The following KDM5B variants were observed in gnomAD, a reference collection of about 807,000 sequenced individuals.
KDM5B encodes the protein lysine-specific demethylase 5B.
KDM5B carries 144 observed loss-of-function variants against 193.4 expected under a neutral mutation model. The observed-to-expected ratio is 0.74, with a 90% CI of 0.65 to 0.86. KDM5B has a LOEUF of 0.86. Among genes scored for constraint, KDM5B ranks in the 40% least tolerant of loss-of-function variants. KDM5B has a pLI of 0.00. For synonymous variants in KDM5B, 668 were observed against 682.6 expected (o/e 0.98, Z 0.33); for missense variants, 1,833 against 1,886.9 (o/e 0.97, Z 0.53).
intron 1 of KDM5B, among the ~76,000 whole-genome samples, chr1:202,790,014 G>A (rs1657579177): frequency 6.6e-6 from 1 of 151,670 alleles, no homozygotes; most frequent in African/African-American, 2.4e-5. Flanking sequence ...CTTGAGGTCT[G>A]GAGTTCGAGA....
chr1:202,766,940 G>A lies in KDM5B; in HGVS notation c.697C>T (p.Arg233Cys). ...GAGGCTCTTACCTCTGCTCTCATGCGTTTTGCTCGTCGGGCTGGGGGGCAC... is the reference window on the plus strand; with the variant it reads ...GAGGCTCTTACCTCTGCTCTCATGCATTTTGCTCGTCGGGCTGGGGGGCAC... The part of the protein sequence containing the change: ...ETCPPARRAK[R>C]MRAEAMNIKI... The change falls in exon 5 of 27, where the codon CGC (arginine) becomes TGC (cysteine). Residue 233 changes from arginine (R) to cysteine (C), a missense_variant. Around this residue, in one of 3 missense-constraint regions of KDM5B, gnomAD observed 355 missense variants for 374.9 expected, o/e 0.95. Transcript: ENST00000367265. 2 of 1,580,396 alleles carry A rather than the reference G, an allele frequency of 1.3e-6. No homozygotes were observed. The highest frequency in any genetic ancestry group is 8.5e-7 in the Non-Finnish European group (1 of 1,171,790).
intron 16 of KDM5B, among the ~76,000 whole-genome samples, chr1:202,743,546 T>C (rs576680853): frequency 3.9e-5 from 6 of 152,264 alleles, no homozygotes; most frequent in Admixed American, 3.9e-4. Flanking sequence ...ATATTGCTCC[T>C]TTCCCCTAAA....
intron 3 of KDM5B, 61 bp from the exon 4 acceptor site, chr1:202,773,349 A>G (rs1656799727): frequency 7.0e-7 from 1 of 1,436,476 alleles, no homozygotes; most frequent in South Asian, 1.2e-5. Context: ...ACATCTAAGT[A>G]TGACTCCAAG....
At chr1:202,803,400 T>C (rs1431270961) in intron 1 of KDM5B, among the ~76,000 whole-genome samples, 2 of 152,154 alleles carry the variant, frequency 1.3e-5, no homozygotes, top group African/African-American at 4.8e-5. Context: ...GTTTATTAGT[T>C]CACTAAGAAT....
chr1:202,739,510 TGTTTCTCGCAGAGGGGGA>T (rs1221820203), intron 20 of KDM5B, among the ~76,000 whole-genome samples: 4 of 151,866 alleles, frequency 2.6e-5, no homozygotes, highest in Admixed American at 1.3e-4. Context: ...CATTCTTGGG[TGTTTCTCGCAGAGGGGGA>T]GTTGGCAGGG....
In KDM5B at chr1:202,756,352, G is replaced by T; in HGVS notation, c.1356+6C>A. On this transcript the variant is annotated splice_donor_region_variant and intron_variant, in intron 10 of 26. Coordinates refer to ENST00000367265, the MANE Select transcript of KDM5B (RefSeq NM_006618.5). ...ACCTCAATTTCCAAGCCACTTATAT[G>T]CCTACCTCTTCCTCAGGTGAGAGTT... 1 of 1,600,400 alleles carries T rather than the reference G, an allele frequency of 6.2e-7. No individual in the cohort carries two copies. Among genetic ancestry groups the T allele is most frequent in the Non-Finnish European group, 8.5e-7 (1 of 1,174,044 alleles).
chr1:202,770,414 TTCC>T (rs1656664142), intron 4 of KDM5B, among the ~76,000 whole-genome samples: 1 of 152,200 alleles, frequency 6.6e-6, no homozygotes, highest in Non-Finnish European at 1.5e-5. Context: ...TTTGCAATAA[TTCC>T]TTTACTGTAC....
intron 8 of KDM5B, among the ~76,000 whole-genome samples, chr1:202,759,937 A>T (rs1364088361): frequency 6.6e-6 from 1 of 152,208 alleles, no homozygotes; most frequent in African/African-American, 2.4e-5. Flanking sequence ...ACATTGTGGA[A>T]CTCACTTCTA....
At chr1:202,776,705 G>A (rs186924596) in intron 2 of KDM5B, among the ~76,000 whole-genome samples, 1 of 152,120 alleles carries the variant, frequency 6.6e-6, no homozygotes, top group African/African-American at 2.4e-5. Context: ...GGAACTACAG[G>A]CACACACCAT....
In KDM5B at chr1:202,741,429, C is replaced by T. The variant is rs1190617494; in HGVS notation, c.2883G>A (p.Leu961=). The T allele has an allele frequency of 6.2e-7, 1 of 1,603,940 alleles. No homozygotes were observed. Among genetic ancestry groups the T allele is most frequent in the East Asian group, 2.2e-5 (1 of 44,710 alleles). ...YSAVEKAMAR[L]QELLTVSEHW... ...GCTCTGACACTGTGAGCAGTTCCTG[C>T]AGCCGGGCCATAGCTTTCTCCACTG... The change falls in exon 19 of 27, where the codon CTG becomes CTA. Residue 961 remains leucine (L), a synonymous_variant. Transcript: ENST00000367265.
At chr1:202,767,983 A>G (rs1221408553) in intron 4 of KDM5B, among the ~76,000 whole-genome samples, 2 of 152,240 alleles carry the variant, frequency 1.3e-5, no homozygotes, top group African/African-American at 2.4e-5. Context: ...AGTTTCAGAT[A>G]TAACTAGCAA....
In KDM5B at chr1:202,750,533, C is replaced by T. The variant is rs537980379; in HGVS notation, c.1821+126G>A. 7 of 972,952 alleles carry T rather than the reference C, an allele frequency of 7.2e-6. No homozygotes were observed. The South Asian group carries it at 8.2e-5, about 11-fold the overall frequency. The allele number at this position is 972,952 out of a possible 1,614,324, so 60.3% of individuals were successfully genotyped here. A position where few individuals can be genotyped will look rare whatever the true frequency, so the allele number is the denominator to read the frequency against. On this transcript the variant is annotated intron_variant, in intron 13 of 26. Coordinates refer to ENST00000367265, the MANE Select transcript of KDM5B (RefSeq NM_006618.5). ...CAGGTGATCTGCCCACCTTGGCTTC[C>T]GAAAGCGCTGGGATTATAGGCATGA... is the stretch of plus-strand genomic sequence containing the variant.
chr1:202,762,621 T>C (rs1267725550), intron 7 of KDM5B, 78 bp downstream of exon 7: 1 of 801,508 alleles, frequency 1.2e-6, no homozygotes, highest in South Asian at 1.5e-5. Context: ...AGTTTAAACT[T>C]GGGGGTAAAG....
intron 1 of KDM5B, among the ~76,000 whole-genome samples, chr1:202,802,623 C>T (rs1168997688): frequency 1.3e-5 from 2 of 152,060 alleles, no homozygotes. Context: ...GAACTCCTGA[C>T]CTCAAGCGAT....
chr1:202,783,753 C>G (rs1418349435), intron 1 of KDM5B, among the ~76,000 whole-genome samples: 2 of 151,792 alleles, frequency 1.3e-5, no homozygotes, highest in African/African-American at 4.8e-5. Context: ...TGGTGGCGGG[C>G]GCCTGTAGTC....
intron 1 of KDM5B, 140 bp downstream of exon 1, chr1:202,807,962 C>T (rs987599453): frequency 1.2e-5 from 10 of 802,632 alleles, no homozygotes; most frequent in Non-Finnish European, 1.7e-5. Context: ...TCAACTCCGA[C>T]CTTCTAGGCA....
chr1:202,734,954 C>T (rs1410398376), intron 22 of KDM5B, among the ~76,000 whole-genome samples: 1 of 152,220 alleles, frequency 6.6e-6, no homozygotes, highest in Non-Finnish European at 1.5e-5. Flanking sequence ...TAATGTGTAA[C>T]ATTAGTTATA....
chr1:202,736,592 A>G (rs1655104933), intron 20 of KDM5B, among the ~76,000 whole-genome samples, 200 bp from the exon 21 acceptor site: 1 of 152,058 alleles, frequency 6.6e-6, no homozygotes, highest in African/African-American at 2.4e-5. Context: ...TTCATTACAC[A>G]AACAGAGAAC....
At chr1:202,771,670 C>T (rs1374940176) in intron 4 of KDM5B, among the ~76,000 whole-genome samples, 3 of 152,274 alleles carry the variant, frequency 2.0e-5, no homozygotes, top group South Asian at 2.1e-4. Flanking sequence ...CAACCTCTGC[C>T]TCCTGGGTTC....
Sources: allele counts gnomAD v4.1 joint callset (sites outside exome capture counted in the v4.1 genomes callset), GRCh38; gene constraint gnomAD v4.1.1; regional missense constraint gnomAD v4.1.1; transcripts MANE v1.5; gene names NCBI Gene and HGNC (gene_info 2026-07-23, HGNC 2026-07-21).